Variants in PCBP3 observed in about 807,000 individuals in gnomAD.
PCBP3 encodes the protein poly(rC)-binding protein 3.
A neutral mutation model predicts 52.7 loss-of-function variants in PCBP3; 25 were observed. The observed-to-expected ratio is 0.47, with a 90% confidence interval of 0.35 to 0.66. The LOEUF is 0.66. Ranked by LOEUF, PCBP3 falls within the 30% of genes least tolerant of loss-of-function variation. PCBP3 has a pLI of 0.01. For missense variants in PCBP3, 391 were observed against 490.3 expected (o/e 0.80, Z 1.91); for synonymous variants, 162 against 183.0 (o/e 0.89, Z 0.93).
intron 4 of PCBP3, among the ~76,000 whole-genome samples, chr21:45,836,928 A>G (rs2093603124): frequency 6.6e-6 from 1 of 152,070 alleles, no homozygotes; most frequent in Non-Finnish European, 1.5e-5. Flanking sequence ...GTGAATAGGC[A>G]TCATTTATTT....
intron 1 of PCBP3, among the ~76,000 whole-genome samples, chr21:45,645,945 T>G (rs912704689): frequency 7.2e-5 from 11 of 152,252 alleles, no homozygotes; most frequent in African/African-American, 2.6e-4. Flanking sequence ...ATAAATGCTG[T>G]AGATTTTGGG....
chr21:45,646,320 T>G (rs1216105166), intron 1 of PCBP3, among the ~76,000 whole-genome samples: 8 of 152,150 alleles, frequency 5.3e-5, no homozygotes, highest in Admixed American at 5.2e-4. Flanking sequence ...AACATTCAAT[T>G]TCCTTTGCTT....
At chr21:45,832,895 G>A (rs1417537071) in intron 4 of PCBP3, among the ~76,000 whole-genome samples, 1 of 152,180 alleles carries the variant, frequency 6.6e-6, no homozygotes, top group Non-Finnish European at 1.5e-5. Context: ...GAGAAGTGTG[G>A]GCGAAGGAGG....
chr21:45,839,966 C>T (rs899874087), intron 4 of PCBP3, among the ~76,000 whole-genome samples: 14 of 151,822 alleles, frequency 9.2e-5, no homozygotes, highest in Admixed American at 4.6e-4. Context: ...GGATTACAGA[C>T]ATGAGCCACC....
At position 45,800,747 on chromosome 21, in the gene PCBP3, C is replaced by T. The variant is rs552215877; in HGVS notation, c.-126+45295C>T. Among the ~76,000 whole-genome samples, 8 of 152,332 alleles carry T rather than the reference C, an allele frequency of 5.3e-5. No homozygotes were observed. In the South Asian group the frequency reaches 6.2e-4, roughly 12 times the overall value. On this transcript the variant is annotated intron_variant, in intron 4 of 17. Coordinates refer to ENST00000681687, the MANE Select transcript of PCBP3 (RefSeq NM_001384156.1). This position sits in a 1 kb window ranked among gnomAD's most constrained non-coding sequence, Gnocchi z 5.3. ...GCCTCACTATGCCTAGGCCACAGCC[C>T]GGGAGGGAGGATGTCTTTCCCTGAC... is the stretch of plus-strand genomic sequence containing the variant.
At chr21:45,689,727 ACTAG>A (rs1298563802) in intron 2 of PCBP3, among the ~76,000 whole-genome samples, 1 of 152,130 alleles carries the variant, frequency 6.6e-6, no homozygotes, top group Non-Finnish European at 1.5e-5. Flanking sequence ...ATTTTTGTAT[ACTAG>A]CTAACATTGG....
intron 1 of PCBP3, among the ~76,000 whole-genome samples, chr21:45,660,306 C>CTT (rs373173761): frequency 7.5e-4 from 114 of 152,066 alleles, no homozygotes; most frequent in African/African-American, 2.4e-3. Flanking sequence ...CCTTTGGTTA[C>CTT]TGTTTGCATT....
At chr21:45,886,830 T>C (rs762844928) in intron 5 of PCBP3, among the ~76,000 whole-genome samples, 2 of 152,210 alleles carry the variant, frequency 1.3e-5, no homozygotes, top group Non-Finnish European at 2.9e-5. Flanking sequence ...TGAGAGCCTC[T>C]GTCCCTGCTC....
intron 16 of PCBP3, among the ~76,000 whole-genome samples, chr21:45,937,298 T>G (rs150798194): frequency 1.3e-5 from 2 of 152,264 alleles, no homozygotes; most frequent in African/African-American, 4.8e-5. Context: ...CCCCAGCCCT[T>G]TGGTTCCCTT....
At chr21:45,749,199 G>A (rs1468219573) in intron 3 of PCBP3, among the ~76,000 whole-genome samples, 1 of 152,090 alleles carries the variant, frequency 6.6e-6, no homozygotes, top group Non-Finnish European at 1.5e-5. Flanking sequence ...GCCCATAGTT[G>A]CCCGTTTTCA....
At chr21:45,923,301 A>C (rs1237261446) in intron 13 of PCBP3, among the ~76,000 whole-genome samples, 1 of 152,022 alleles carries the variant, frequency 6.6e-6, no homozygotes, top group East Asian at 1.9e-4. Context: ...AGCCTCTCTC[A>C]CTCTGAAGCC....
At chr21:45,833,750 C>T (rs1406455226) in intron 4 of PCBP3, among the ~76,000 whole-genome samples, 1 of 152,120 alleles carries the variant, frequency 6.6e-6, no homozygotes, top group Non-Finnish European at 1.5e-5. Context: ...TTGTCTGTTT[C>T]TGGGCAGACC....
chr21:45,764,119 C>CT lies in PCBP3; in HGVS notation c.-126+8681dup, dbSNP rs71185167. ...CAAAGTTTCTCATTCTTTTTTTTTT[C>CT]TTTTTTTTTTTTTTGTTTTTGAGAT... is the stretch of plus-strand genomic sequence containing the variant. On this transcript the variant is annotated intron_variant, in intron 4 of 17. Transcript: ENST00000681687. 8.9e-3 allele frequency among the ~76,000 whole-genome samples: 1,064 copies of CT among 119,784 alleles called. 8 individuals are homozygous for CT. The highest frequency in any genetic ancestry group is 0.017 in the African/African-American group (546 of 31,410). 78.6% of individuals were successfully genotyped at this position (119,784 alleles called of 152,430 possible). A position where few individuals can be genotyped will look rare whatever the true frequency, so the allele number is the denominator to read the frequency against.
At chr21:45,782,741 A>G (rs1223617938) in intron 4 of PCBP3, among the ~76,000 whole-genome samples, 1 of 152,262 alleles carries the variant, frequency 6.6e-6, no homozygotes, top group African/African-American at 2.4e-5. Flanking sequence ...CAAACTTTTC[A>G]CATCTGGGCA....
At chr21:45,752,571 G>A (rs535078146) in intron 3 of PCBP3, among the ~76,000 whole-genome samples, 15 of 151,968 alleles carry the variant, frequency 9.9e-5, no homozygotes, top group African/African-American at 3.6e-4. Context: ...TTATTTAGAA[G>A]TATTTCTCAA....
intron 4 of PCBP3, among the ~76,000 whole-genome samples, chr21:45,848,961 G>T (rs1175879032): frequency 6.6e-6 from 1 of 152,150 alleles, no homozygotes; most frequent in Non-Finnish European, 1.5e-5. Context: ...GTTTCTAGCT[G>T]GGAATGGACA....
At chr21:45,890,827 A>G (rs1363023241) in intron 5 of PCBP3, among the ~76,000 whole-genome samples, 1 of 151,032 alleles carries the variant, frequency 6.6e-6, no homozygotes, top group East Asian at 2.0e-4. Flanking sequence ...GAATGTAGAT[A>G]ATAGAACCTG....
At chr21:45,803,394 C>T (rs1397237856) in intron 4 of PCBP3, among the ~76,000 whole-genome samples, 1 of 152,096 alleles carries the variant, frequency 6.6e-6, no homozygotes, top group Non-Finnish European at 1.5e-5. Flanking sequence ...AGGTGGCATC[C>T]CCTCCTAGCA....
chr21:45,809,415 A>G lies in PCBP3; in HGVS notation c.-125-40546A>G, dbSNP rs570277065. ...GTACAGAGAGTTGATTAGAAAGGTG[A>G]TGTAGGGCTGAGGAGTACGGGAGAT... On this transcript the variant is annotated intron_variant, in intron 4 of 17. Transcript: ENST00000681687. Among the ~76,000 whole-genome samples the G allele has an allele frequency of 9.5e-4, 144 of 152,288 alleles. 2 individuals are homozygous for G. The highest frequency in any genetic ancestry group is 3.4e-3 in the Middle Eastern group (1 of 294).
Sources: gnomAD v4.1 joint callset for allele counts (sites outside exome capture counted in the v4.1 genomes callset) on GRCh38, gnomAD v4.1.1 for gene constraint, Gnocchi (gnomAD v3.1) non-coding constraint, MANE v1.5 for transcripts, NCBI Gene and HGNC (gene_info 2026-07-23, HGNC 2026-07-21) for gene names.